The following FBXL16 variants were observed in gnomAD, a reference collection of about 807,000 sequenced individuals.
FBXL16 encodes F-box/LRR-repeat protein 16.
In FBXL16, 7 loss-of-function variants were observed where a neutral mutation model predicts 36.7. That is an observed-to-expected ratio of 0.19 (90% CI 0.11 to 0.36). FBXL16 has a LOEUF of 0.36. Among genes scored for constraint, FBXL16 ranks in the 10% least tolerant of loss-of-function variants. The pLI is 1.00. For synonymous variants in FBXL16, 355 were observed against 308.7 expected (o/e 1.15, Z -1.57); for missense variants, 463 against 659.4 (o/e 0.70, Z 3.26).
At chr16:694,778 C>T (rs1012666706) in intron 4 of FBXL16, 81 bp from the exon 5 acceptor site, 4 of 1,450,098 alleles carry the variant, frequency 2.8e-6, no homozygotes, top group Non-Finnish European at 3.8e-6. Flanking sequence ...GAGGGCTAGG[C>T]GGGTTCAAGC....
Position 693,140 on chromosome 16 carries a change from G to A in FBXL16, c.*1135C>T. ...ACAGAGCACGGTCAGAGCCCATTTG[G>A]GCAGACAGAAGTTTGGGAAGCTGGG... On this transcript the variant is annotated 3_prime_UTR_variant, in exon 6 of 6. Transcript: ENST00000397621. 1 of 151,908 alleles carries A rather than the reference G, an allele frequency of 6.6e-6. No individual in the cohort carries two copies. The highest frequency in any genetic ancestry group is 1.5e-5 in the Non-Finnish European group (1 of 67,986). 9.4% of individuals were successfully genotyped at this position (151,908 alleles called of 1,614,324 possible).
chr16:697,442 G>A lies in FBXL16; in HGVS notation c.-14-23C>T. On this transcript the variant is annotated intron_variant, in intron 1 of 5. Transcript: ENST00000397621. The surrounding 1 kb of genome is among the most constrained non-coding windows in gnomAD (Gnocchi z 4.6). The stretch of plus-strand genomic sequence containing the variant: ...GCTCTGTGGATGAGGGCCGGGAGGG[G>A]GAGTGAGTCTGTTGCTGAGTCTGGA... 6.6e-7 allele frequency: 1 copy of A among 1,511,940 alleles called. No individual in the cohort carries two copies. Among genetic ancestry groups the A allele is most frequent in the African/African-American group, 1.4e-5 (1 of 72,584 alleles). 93.7% of individuals were successfully genotyped at this position (1,511,940 alleles called of 1,614,324 possible). A position where few individuals can be genotyped will look rare whatever the true frequency, so the allele number is the denominator to read the frequency against.
chr16:696,613 G>A lies in FBXL16; in HGVS notation c.633+160C>T, dbSNP rs140419009. 7.0e-3 allele frequency among the ~76,000 whole-genome samples: 737 copies of A among 105,566 alleles called. 5 individuals carry two copies. The highest frequency in any genetic ancestry group is 0.011 in the Non-Finnish European group (556 of 50,806). The allele number at this position is 105,566 out of a possible 152,430, so 69.3% of individuals were successfully genotyped here. A position where few individuals can be genotyped will look rare whatever the true frequency, so the allele number is the denominator to read the frequency against. On this transcript the variant is annotated intron_variant, in intron 2 of 5. Transcript: ENST00000397621. Reference sequence around the variant, plus strand: ...TGCTGCCATCTTGAAAATCTTGAGTGTCTTTGAACAAGGGACCCACATTTT... The same window carrying A: ...TGCTGCCATCTTGAAAATCTTGAGTATCTTTGAACAAGGGACCCACATTTT...
intron 3 of FBXL16, 25 bp downstream of exon 3, chr16:695,390 C>T: frequency 6.7e-7 from 1 of 1,496,474 alleles, no homozygotes; most frequent in Non-Finnish European, 8.9e-7. Flanking sequence ...CCCAGCCCCG[C>T]CCGGCGCGGC....
In FBXL16 at chr16:696,415, C is replaced by T. The variant is rs2040011778; in HGVS notation, c.633+358G>A. On this transcript the variant is annotated intron_variant, in intron 2 of 5. Transcript: ENST00000397621. The stretch of plus-strand genomic sequence containing the variant: ...AGTAGCTGGGACTACAGGTGCCCAC[C>T]ACCAGGCCTGGCTAATTTCTGCATT... Among the ~76,000 whole-genome samples, 3 of 152,222 alleles carry T rather than the reference C, an allele frequency of 2.0e-5. No homozygotes were observed. In the South Asian group the frequency reaches 6.2e-4, roughly 32 times the overall value.
Position 696,797 on chromosome 16 carries a change from G to A in FBXL16, c.609C>T (p.Ser203=), listed in dbSNP as rs996125042. The change falls in exon 2 of 6, where the codon TCC becomes TCT. Residue 203 remains serine (S), a synonymous_variant. Coordinates refer to ENST00000397621, the MANE Select transcript of FBXL16 (RefSeq NM_153350.4). ...KGVKAMSLKR[S]TITDAGLEVM... Reference sequence around the variant, plus strand: ...CCTCGAGGCCTGCGTCCGTGATGGTGGAGCGCTTGAGGCTCATGGCTTTGA... The same window carrying A: ...CCTCGAGGCCTGCGTCCGTGATGGTAGAGCGCTTGAGGCTCATGGCTTTGA... The A allele has an allele frequency of 1.3e-5, 18 of 1,358,444 alleles. No homozygotes were observed. The highest frequency in any genetic ancestry group is 6.2e-5 in the Admixed American group (2 of 32,446). 84.1% of individuals were successfully genotyped at this position (1,358,444 alleles called of 1,614,324 possible).
rs1448890879 is a variant in FBXL16, at chr16:697,717, C to A, written c.-14-298G>T. The stretch of plus-strand genomic sequence containing the variant: ...TTTTTTTTCTTTTTGAAACAGAGTT[C>A]CGGCCGGGCGCGGTGGCTCATGCCT... On this transcript the variant is annotated intron_variant, in intron 1 of 5. Coordinates refer to ENST00000397621, the MANE Select transcript of FBXL16 (RefSeq NM_153350.4). The surrounding 1 kb of genome is among the most constrained non-coding windows in gnomAD (Gnocchi z 4.6). Among the ~76,000 whole-genome samples, 1 of 152,000 alleles carries A rather than the reference C, an allele frequency of 6.6e-6. No individual in the cohort carries two copies. The highest frequency in any genetic ancestry group is 1.5e-5 in the Non-Finnish European group (1 of 68,014).
In FBXL16 at chr16:693,823, T is replaced by G. The variant is rs1457975150; in HGVS notation, c.*452A>C. 6.6e-6 allele frequency: 1 copy of G among 152,626 alleles called. No individual in the cohort carries two copies. The highest frequency in any genetic ancestry group is 1.5e-5 in the Non-Finnish European group (1 of 68,344). The allele number at this position is 152,626 out of a possible 1,614,324, so 9.5% of individuals were successfully genotyped here. A position where few individuals can be genotyped will look rare whatever the true frequency, so the allele number is the denominator to read the frequency against. ...GGGGACCCAGCCCCCTCAATCCCAC[T>G]GGGCCCTGCCCGGGATGGGGGGGAC... is the stretch of plus-strand genomic sequence containing the variant. On this transcript the variant is annotated 3_prime_UTR_variant, in exon 6 of 6. Coordinates refer to ENST00000397621, the MANE Select transcript of FBXL16 (RefSeq NM_153350.4).
chr16:695,748 A>G lies in FBXL16; in HGVS notation c.809T>C (p.Leu270Pro), dbSNP rs2040006519. ...IAAISQLLPN[L>P]AELSLQAYHV... is the part of the protein sequence containing the mutation. The stretch of plus-strand genomic sequence containing the variant: ...GTAGGCCTGCAGGCTCAGCTCCGCC[A>G]GGTTGGGCAGCAGCTGCGAGATGGC... The change falls in exon 3 of 6, where the codon CTG becomes CCG. Residue 270 changes from leucine to proline, a missense_variant. Physicochemically the swap from Leu to Pro is moderately conservative, Grantham distance 98 (BLOSUM62 -3). This residue lies in a region of FBXL16 where 66 missense variants were observed against 146.3 expected (regional missense o/e 0.45). Transcript: ENST00000397621. 6.2e-7 allele frequency: 1 copy of G among 1,603,874 alleles called. No homozygotes were observed. The highest frequency in any genetic ancestry group is 8.5e-7 in the Non-Finnish European group (1 of 1,178,158).
chr16:696,110 C>T (rs980588764), intron 2 of FBXL16, 187 bp from the exon 3 acceptor site: 6 of 824,916 alleles, frequency 7.3e-6, no homozygotes, highest in Non-Finnish European at 1.1e-5. Context: ...TTGGCACCAG[C>T]GTTACAATTA....
chr16:703,716 C>T (rs1489383322), intron 1 of FBXL16, among the ~76,000 whole-genome samples: 2 of 152,244 alleles, frequency 1.3e-5, no homozygotes, highest in African/African-American at 4.8e-5. Context: ...AGGAGGGGCA[C>T]CATGGCGCAG....
intron 1 of FBXL16, among the ~76,000 whole-genome samples, chr16:704,747 C>T (rs971213122): frequency 2.0e-5 from 3 of 152,248 alleles, no homozygotes; most frequent in Non-Finnish European, 2.9e-5. Flanking sequence ...AGGTGGCCTC[C>T]GCCATCTGCT....
At chr16:700,440 G>A (rs1485482322) in intron 1 of FBXL16, among the ~76,000 whole-genome samples, 1 of 152,150 alleles carries the variant, frequency 6.6e-6, no homozygotes, top group East Asian at 1.9e-4. Flanking sequence ...TGCAAGGGCC[G>A]GCTGGGGTCG....
At chr16:702,631 G>A (rs1487798364) in intron 1 of FBXL16, among the ~76,000 whole-genome samples, 5 of 152,228 alleles carry the variant, frequency 3.3e-5, no homozygotes, top group Non-Finnish European at 7.3e-5. Context: ...GTCAAATTTA[G>A]GAAGAGGCCG....
chr16:695,007 C>A lies in FBXL16; in HGVS notation c.1212G>T (p.Leu404=). 6.4e-7 allele frequency: 1 copy of A among 1,552,380 alleles called. No individual in the cohort carries two copies. Among genetic ancestry groups the A allele is most frequent in the Non-Finnish European group, 8.7e-7 (1 of 1,144,810 alleles). The change falls in exon 4 of 6, where the codon CTG becomes CTT. Residue 404 remains leucine (L), a synonymous_variant. Transcript: ENST00000397621. ...GAGCCGGTACCTGGCAGCACCATCG[C>A]AGGTAGAGGCTGCGGAGGGACGACA... The part of the protein sequence containing the change: ...STMSSLRSLY[L]RWCCQVQDFG...
At position 694,329 on chromosome 16, in the gene FBXL16, G is replaced by C. The variant is rs991220773; in HGVS notation, c.1386C>G (p.Pro462=). The change falls in exon 6 of 6, where the codon CCC becomes CCG. Residue 462 remains proline, a synonymous_variant. Transcript: ENST00000397621. ...LELTNCPGAT[P]ELFKYFSQHL... is the part of the protein sequence containing the mutation. ...GCTGCGAGAAATACTTGAAGAGCTC[G>C]GGGGTGGCCCCGGGGCAGTTGGTCA... 5.3e-6 allele frequency: 8 copies of C among 1,509,376 alleles called. No individual in the cohort carries two copies. Among genetic ancestry groups the C allele is most frequent in the South Asian group, 1.3e-5 (1 of 78,070 alleles). The allele number at this position is 1,509,376 out of a possible 1,614,324, so 93.5% of individuals were successfully genotyped here. A position where few individuals can be genotyped will look rare whatever the true frequency, so the allele number is the denominator to read the frequency against.
chr16:695,952 T>C (rs557842529), intron 2 of FBXL16, 29 bp from the exon 3 acceptor site: 65 of 1,554,622 alleles, frequency 4.2e-5, no homozygotes, highest in East Asian at 3.9e-4. Flanking sequence ...CGGGTCAGGA[T>C]TGCAGGAGAA....
At chr16:694,744 G>A (rs528931889) in intron 4 of FBXL16, 47 bp from the exon 5 acceptor site, 2 of 1,555,676 alleles carry the variant, frequency 1.3e-6, no homozygotes, top group Admixed American at 1.9e-5. Flanking sequence ...TCGCACCGAG[G>A]CGGAGGGCAC....
chr16:696,039 G>T, intron 2 of FBXL16, 116 bp from the exon 3 acceptor site: 1 of 1,397,384 alleles, frequency 7.2e-7, no homozygotes. Context: ...TTGGCAGTGT[G>T]TGAGGAGGCG....
Sources: allele counts gnomAD v4.1 joint callset (sites outside exome capture counted in the v4.1 genomes callset), GRCh38; gene constraint gnomAD v4.1.1; regional missense constraint gnomAD v4.1.1; non-coding constraint Gnocchi (gnomAD v3.1); transcripts MANE v1.5; gene names NCBI Gene and HGNC (gene_info 2026-07-23, HGNC 2026-07-21).